PRELID3B: variants seen among roughly 807,000 people sequenced by gnomAD.
PRELID3B encodes the protein PRELI domain containing protein 3B.
A neutral mutation model predicts 24.0 loss-of-function variants in PRELID3B; 15 were observed. The observed-to-expected ratio is 0.63, with a 90% CI of 0.42 to 0.96. PRELID3B has a LOEUF of 0.96. PRELID3B is among the 40% of genes least tolerant of loss of function. PRELID3B has a pLI of 0.00. For synonymous variants in PRELID3B, 62 were observed against 76.0 expected, an observed-to-expected ratio of 0.82 and a Z score of 0.96; for missense variants, 189 against 236.0, an observed-to-expected ratio of 0.80 and a Z score of 1.30.
rs34173406 is a variant in PRELID3B, at chr20:59,034,890, C to CAA, written c.*115_*116dup. ...GTCACATAGCCTTACACCAACTTAT[C>CAA]AAAAAAAAAAAAAAAAAAACTACCC... On this transcript the variant is annotated 3_prime_UTR_variant, in exon 6 of 6. Coordinates refer to ENST00000355937, the MANE Select transcript of PRELID3B (RefSeq NM_016045.3). 58,663 of 657,928 alleles carry CAA rather than the reference C, an allele frequency of 0.089. 55 individuals carry two copies. The highest frequency in any genetic ancestry group is 0.2 in the East Asian group (5,184 of 25,602). The allele number at this position is 657,928 out of a possible 1,614,324, so 40.8% of individuals were successfully genotyped here.
intron 1 of PRELID3B, 150 bp downstream of exon 1, chr20:59,042,549 C>T: frequency 1.2e-6 from 1 of 839,266 alleles, no homozygotes; most frequent in Non-Finnish European, 1.8e-6. Flanking sequence ...TTGGTCTGCC[C>T]TCCGTGTCGC....
chr20:59,041,387 C>T (rs1047773432), intron 1 of PRELID3B, among the ~76,000 whole-genome samples: 2 of 152,152 alleles, frequency 1.3e-5, no homozygotes, highest in African/African-American at 4.8e-5. Flanking sequence ...GGATGTGTCC[C>T]ACTGAGTACA....
chr20:59,036,421 T>C lies in PRELID3B; in HGVS notation c.465+50A>G, dbSNP rs750863554. On this transcript the variant is annotated intron_variant, in intron 5 of 5. Coordinates refer to ENST00000355937, the MANE Select transcript of PRELID3B (RefSeq NM_016045.3). ...CACATGCAGTCAGCACCCCATTCCA[T>C]TCCCAGGAAATGAACCAGGGAATAA... is the stretch of plus-strand genomic sequence containing the variant. 3.5e-6 allele frequency: 5 copies of C among 1,413,406 alleles called. No homozygotes were observed. In the South Asian group the frequency reaches 5.8e-5, roughly 16 times the overall value. 87.6% of individuals were successfully genotyped at this position (1,413,406 alleles called of 1,614,324 possible). A position where few individuals can be genotyped will look rare whatever the true frequency, so the allele number is the denominator to read the frequency against.
intron 1 of PRELID3B, among the ~76,000 whole-genome samples, chr20:59,039,880 C>T (rs1189240533): frequency 2.0e-5 from 3 of 152,228 alleles, no homozygotes; most frequent in South Asian, 2.1e-4. Flanking sequence ...TGTCTTTAGT[C>T]TCCAGCCTTA....
In PRELID3B at chr20:59,038,618, C is replaced by G; in HGVS notation, c.49G>C (p.Val17Leu). The change falls in exon 2 of 6, where the codon GTT becomes CTT. Residue 17 changes from valine to leucine, a missense_variant. Coordinates refer to ENST00000355937, the MANE Select transcript of PRELID3B (RefSeq NM_016045.3). ...TATTTCTGCATTGCAGCTGTTGTAA[C>G]AGTTTCCCACGGGTGGCTGCCGATG... Reference protein sequence around the residue: ...EHVFDHPWETVTTAAMQKYPN... With the variant: ...EHVFDHPWETLTTAAMQKYPN... 1.3e-6 allele frequency: 2 copies of G among 1,583,196 alleles called. 1 individual carries two copies. The highest frequency in any genetic ancestry group is 2.3e-5 in the South Asian group (2 of 87,054).
At position 59,036,589 on chromosome 20, in the gene PRELID3B, T is replaced by C. The variant is rs948177554; in HGVS notation, c.363-16A>G. The C allele has an allele frequency of 1.2e-6, 2 of 1,606,250 alleles. No individual in the cohort carries two copies. Among genetic ancestry groups the C allele is most frequent in the Non-Finnish European group, 1.7e-6 (2 of 1,174,702 alleles). ...CAAAACAGTTCTGGAACAAAACATA[T>C]TCACACAGGTTCAGATGACCCAGCT... On this transcript the variant is annotated splice_polypyrimidine_tract_variant and intron_variant, in intron 4 of 5. Transcript: ENST00000355937.
At position 59,034,909 on chromosome 20, in the gene PRELID3B, A is replaced by C. The variant is rs2092059589; in HGVS notation, c.*98T>G. The C allele has an allele frequency of 1.8e-6, 2 of 1,087,014 alleles. No individual in the cohort carries two copies. The highest frequency in any genetic ancestry group is 1.2e-6 in the Non-Finnish European group (1 of 823,648). 67.3% of individuals were successfully genotyped at this position (1,087,014 alleles called of 1,614,324 possible). A position where few individuals can be genotyped will look rare whatever the true frequency, so the allele number is the denominator to read the frequency against. ...ACTTATCAAAAAAAAAAAAAAAAAA[A>C]CTACCCAAAATATAGTTGTATTTTT... On this transcript the variant is annotated 3_prime_UTR_variant, in exon 6 of 6. Transcript: ENST00000355937.
rs918856975 is a variant in PRELID3B at position 59,033,548 on chromosome 20, C to A, written c.*1459G>T. ...AAATCAGAAACCTTATTAAATTTAA[C>A]CTGCTTTTACAAATGTCCTAAGAAG... On this transcript the variant is annotated 3_prime_UTR_variant, in exon 6 of 6. Coordinates refer to ENST00000355937, the MANE Select transcript of PRELID3B (RefSeq NM_016045.3). The A allele has an allele frequency of 1.2e-4, 19 of 152,178 alleles. No homozygotes were observed. Among genetic ancestry groups the A allele is most frequent in the South Asian group, 4.1e-4 (2 of 4,820 alleles). 9.4% of individuals were successfully genotyped at this position (152,178 alleles called of 1,614,324 possible). A position where few individuals can be genotyped will look rare whatever the true frequency, so the allele number is the denominator to read the frequency against.
intron 2 of PRELID3B, 68 bp from the exon 3 acceptor site, chr20:59,037,348 A>C: frequency 8.7e-7 from 1 of 1,155,860 alleles, no homozygotes; most frequent in Non-Finnish European, 1.3e-6. Context: ...TCAATATTTT[A>C]TTTGAAGGAA....
At chr20:59,042,572 G>C (rs374008461) in intron 1 of PRELID3B, 127 bp downstream of exon 1, 4 of 1,055,378 alleles carry the variant, frequency 3.8e-6, no homozygotes, top group Non-Finnish European at 5.5e-6. Flanking sequence ...GGGCCCGCAG[G>C]CTTCAGAGTT....
At chr20:59,035,770 G>A (rs1446557461) in intron 5 of PRELID3B, among the ~76,000 whole-genome samples, 3 of 152,074 alleles carry the variant, frequency 2.0e-5, no homozygotes, top group East Asian at 3.8e-4. Context: ...TTAGTTCCAC[G>A]GGGGCAGGGA....
At position 59,033,695 on chromosome 20, in the gene PRELID3B, T is replaced by C. The variant is rs947396993; in HGVS notation, c.*1312A>G. The stretch of plus-strand genomic sequence containing the variant: ...TGGATAGGAAACATGACTAGAAGTT[T>C]ATCACACTAAGCACTGTAAAATAAA... On this transcript the variant is annotated 3_prime_UTR_variant, in exon 6 of 6. Transcript: ENST00000355937. 2.0e-5 allele frequency: 3 copies of C among 152,262 alleles called. No individual in the cohort carries two copies. Among genetic ancestry groups the C allele is most frequent in the African/African-American group, 7.2e-5 (3 of 41,462 alleles). 9.4% of individuals were successfully genotyped at this position (152,262 alleles called of 1,614,324 possible).
chr20:59,033,631 C>CTA lies in PRELID3B; in HGVS notation c.*1374_*1375dup, dbSNP rs1451133443. ...GATAATTTAAAAATAGTGTGTTATACTATTTCTGTGGTTTATGTACATATA... is the reference window on the plus strand; with the variant it reads ...GATAATTTAAAAATAGTGTGTTATACTATATTTCTGTGGTTTATGTACATATA... On this transcript the variant is annotated 3_prime_UTR_variant, in exon 6 of 6. Transcript: ENST00000355937. 4 of 152,118 alleles carry CTA rather than the reference C, an allele frequency of 2.6e-5. No individual in the cohort carries two copies. Among genetic ancestry groups the CTA allele is most frequent in the African/African-American group, 9.7e-5 (4 of 41,432 alleles). The allele number at this position is 152,118 out of a possible 1,614,324, so 9.4% of individuals were successfully genotyped here.
Position 59,038,527 on chromosome 20 carries a change from C to T in PRELID3B, c.140G>A (p.Gly47Glu), listed in dbSNP as rs377238736. ...DVLDRHIDPS[G>E]KLHSHRLLST... Reference sequence around the variant, plus strand: ...GAGAAGTCTGTGGCTGTGCAACTTTCCAGAGGGATCTATATGTCTGTCCAA... The same window carrying T: ...GAGAAGTCTGTGGCTGTGCAACTTTTCAGAGGGATCTATATGTCTGTCCAA... Residue 47 changes from glycine to glutamate, a missense_variant, in exon 2 of 6, where the codon GGA becomes GAA. Gly to Glu is a moderately conservative substitution (Grantham distance 98). Coordinates refer to ENST00000355937, the MANE Select transcript of PRELID3B (RefSeq NM_016045.3). 1 of 1,613,752 alleles carries T rather than the reference C, an allele frequency of 6.2e-7. No homozygotes were observed. Among genetic ancestry groups the T allele is most frequent in the Admixed American group, 1.7e-5 (1 of 59,992 alleles).
intron 1 of PRELID3B, among the ~76,000 whole-genome samples, chr20:59,041,500 G>A (rs906374662): frequency 1.3e-5 from 2 of 152,012 alleles, no homozygotes; most frequent in Admixed American, 6.5e-5. Context: ...ATCACCTGAG[G>A]TCAGGTGCGA....
chr20:59,042,593 G>A (rs1199472053), intron 1 of PRELID3B, 106 bp downstream of exon 1: 3 of 1,241,900 alleles, frequency 2.4e-6, no homozygotes, highest in South Asian at 1.3e-5. Context: ...CGCTCCCCTC[G>A]CTAGGCCCGA....
rs765036739 is a variant in PRELID3B, at chr20:59,038,631, G to T, written c.36C>A (p.His12Gln). Residue 12 changes from histidine to glutamine, a missense_variant, in exon 2 of 6, where the codon CAC (histidine) becomes CAA (glutamine). Physicochemically the swap from His to Gln is conservative, Grantham distance 24 (BLOSUM62 0). Coordinates refer to ENST00000355937, the MANE Select transcript of PRELID3B (RefSeq NM_016045.3). ...KIWTSEHVFD[H>Q]PWETVTTAAM... ...CAGCTGTTGTAACAGTTTCCCACGG[G>T]TGGCTGCCGATGTGAACCAAAAAAA... is the stretch of plus-strand genomic sequence containing the variant. 3.2e-6 allele frequency: 5 copies of T among 1,580,582 alleles called. No individual in the cohort carries two copies. In the African/African-American group the frequency reaches 7.1e-5, roughly 22 times the overall value.
intron 2 of PRELID3B, 58 bp downstream of exon 2, chr20:59,038,408 C>T (rs1046614319): frequency 8.8e-6 from 13 of 1,477,112 alleles, no homozygotes; most frequent in South Asian, 2.5e-5. Flanking sequence ...AAGTATAATG[C>T]GGTTTAGAAA....
Position 59,036,230 on chromosome 20 carries a change from C to T in PRELID3B, c.465+241G>A, listed in dbSNP as rs147210094. Among the ~76,000 whole-genome samples, 35 of 152,246 alleles carry T rather than the reference C, an allele frequency of 2.3e-4. 1 individual carries two copies. The highest frequency in any genetic ancestry group is 1.9e-4 in the East Asian group (1 of 5,184). ...GCCAACCCTGTAAAACGGGTAATCT[C>T]CACTTTAAAAACGGGAAACTGAGGC... On this transcript the variant is annotated intron_variant, in intron 5 of 5. Transcript: ENST00000355937.
Sources: gnomAD v4.1 joint callset for allele counts (sites outside exome capture counted in the v4.1 genomes callset) on GRCh38, gnomAD v4.1.1 for gene constraint, MANE v1.5 for transcripts, NCBI Gene and HGNC (gene_info 2026-07-23, HGNC 2026-07-21) for gene names.